The following LMO7 variants were observed in gnomAD, a reference collection of about 807,000 sequenced individuals.
LMO7 encodes LIM domain only protein 7.
Under a neutral mutation model 206.5 loss-of-function variants are expected in LMO7, and 120 were observed. That is an observed-to-expected ratio of 0.58 (90% CI 0.50 to 0.68). The LOEUF (loss-of-function observed/expected upper bound fraction) is 0.68, where lower values mean the gene tolerates loss of function less well. Among genes scored for constraint, LMO7 ranks in the 30% least tolerant of loss-of-function variants. LMO7 has a pLI of 0.00. For synonymous variants in LMO7, 706 were observed against 681.5 expected (o/e 1.04, Z -0.56); for missense variants, 1,959 against 1,957.9 (o/e 1.00, Z -0.01).
intron 3 of LMO7, among the ~76,000 whole-genome samples, chr13:75,733,181 G>GC (rs1043390999): frequency 3.3e-5 from 5 of 152,382 alleles, no homozygotes; most frequent in Non-Finnish European, 7.3e-5. Flanking sequence ...ATTTAAGTTT[G>GC]CAGAGGTTAC....
chr13:75,659,165 A>G lies in LMO7; in HGVS notation c.69+22439A>G, dbSNP rs369619535. 1.2e-4 allele frequency among the ~76,000 whole-genome samples: 18 copies of G among 152,276 alleles called. No homozygotes were observed. The East Asian group carries it at 2.5e-3, about 21-fold the overall frequency. On this transcript the variant is annotated intron_variant, in intron 1 of 30. Coordinates refer to ENST00000377534, the MANE Select transcript of LMO7 (RefSeq NM_001306080.2). ...TTTCTCTTTTCTACTTTTCTACTCTATGCTATAACTTTGATATATGTCTTT... is the reference window on the plus strand; with the variant it reads ...TTTCTCTTTTCTACTTTTCTACTCTGTGCTATAACTTTGATATATGTCTTT...
chr13:75,782,210 G>T (rs1460675513), intron 4 of LMO7, among the ~76,000 whole-genome samples: 8 of 152,178 alleles, frequency 5.3e-5, no homozygotes, highest in African/African-American at 1.9e-4. Context: ...ACAAAATTCA[G>T]CTGTGAACTA....
chr13:75,734,825 T>C (rs1321195281), intron 3 of LMO7, among the ~76,000 whole-genome samples: 4 of 152,020 alleles, frequency 2.6e-5, no homozygotes, highest in Admixed American at 6.6e-5. Context: ...ATAGGCCGGG[T>C]GTGGTGGCTC....
intron 3 of LMO7, among the ~76,000 whole-genome samples, chr13:75,737,773 A>AAAAGG: frequency 2.7e-5 from 1 of 36,500 alleles, no homozygotes; most frequent in Non-Finnish European, 4.7e-5. Context: ...AAAATAAAAT[A>AAAAGG]AAATAAAATA....
chr13:75,834,172 A>T, intron 16 of LMO7, 54 bp from the exon 17 acceptor site: 1 of 1,376,060 alleles, frequency 7.3e-7, no homozygotes, highest in Admixed American at 2.1e-5. Flanking sequence ...GCAGCAACTA[A>T]TAGAACATGT....
chr13:75,788,038 A>G (rs1405215224), intron 4 of LMO7, among the ~76,000 whole-genome samples: 1 of 152,212 alleles, frequency 6.6e-6, no homozygotes, highest in Non-Finnish European at 1.5e-5. Context: ...GTGGAACAAG[A>G]AGCCAGTACC....
intron 2 of LMO7, among the ~76,000 whole-genome samples, chr13:75,723,858 T>C (rs558237362): frequency 2.6e-5 from 4 of 152,258 alleles, no homozygotes; most frequent in Non-Finnish European, 5.9e-5. Context: ...TTATAAACAA[T>C]AGAAATTGAT....
intron 1 of LMO7, among the ~76,000 whole-genome samples, chr13:75,701,626 A>G (rs560013444): frequency 6.6e-6 from 1 of 152,304 alleles, no homozygotes; most frequent in South Asian, 2.1e-4. Context: ...CTTGTGTGGT[A>G]GTTATTTAAA....
At chr13:75,642,012 A>T (rs940746643) in intron 1 of LMO7, among the ~76,000 whole-genome samples, 20 of 152,080 alleles carry the variant, frequency 1.3e-4, no homozygotes, top group African/African-American at 3.9e-4. Flanking sequence ...CAGCATCTTT[A>T]TATGGGAAAT....
At chr13:75,685,855 C>G (rs542792466) in intron 1 of LMO7, among the ~76,000 whole-genome samples, 28 of 149,858 alleles carry the variant, frequency 1.9e-4, no homozygotes, top group South Asian at 1.3e-3. Context: ...GAAGACCAAT[C>G]AAACCAAGGG....
intron 4 of LMO7, among the ~76,000 whole-genome samples, chr13:75,787,624 A>C (rs1213007676): frequency 6.6e-6 from 1 of 152,206 alleles, no homozygotes; most frequent in Non-Finnish European, 1.5e-5. Flanking sequence ...AGGTTCATAT[A>C]TTTGGGTTCA....
intron 22 of LMO7, 33 bp downstream of exon 22, chr13:75,840,528 A>G (rs1483261717): frequency 3.7e-6 from 6 of 1,606,546 alleles, no homozygotes; most frequent in Non-Finnish European, 5.1e-6. Flanking sequence ...GGTAGAAACT[A>G]GGTTGGATTT....
intron 1 of LMO7, among the ~76,000 whole-genome samples, chr13:75,677,633 G>T (rs1434977578): frequency 3.9e-5 from 5 of 127,858 alleles, no homozygotes; most frequent in African/African-American, 1.5e-4. Context: ...CTTTGTATTT[G>T]TCCTGTAGCT....
intron 18 of LMO7, among the ~76,000 whole-genome samples, chr13:75,836,049 G>A (rs2059090631): frequency 6.6e-6 from 1 of 152,006 alleles, no homozygotes; most frequent in African/African-American, 2.4e-5. Flanking sequence ...TTACTATATT[G>A]TATAAGAAAT....
intron 1 of LMO7, among the ~76,000 whole-genome samples, chr13:75,667,271 T>C (rs548650177): frequency 5.6e-4 from 85 of 152,288 alleles, no homozygotes; most frequent in Middle Eastern, 3.4e-3. Context: ...TTCTGCTTGG[T>C]ATTTGCTGGT....
At chr13:75,800,581 TA>T in intron 6 of LMO7, 102 bp from the exon 7 acceptor site, 1 of 1,061,626 alleles carries the variant, frequency 9.4e-7, no homozygotes, top group Non-Finnish European at 1.4e-6. Context: ...ACATGTCAAA[TA>T]AAACCCAACT....
At chr13:75,726,856 CTCT>C (rs746364823) in intron 2 of LMO7, among the ~76,000 whole-genome samples, 170 bp from the exon 3 acceptor site, 6 of 152,188 alleles carry the variant, frequency 3.9e-5, no homozygotes, top group Middle Eastern at 3.4e-3. Flanking sequence ...GTGTGTGGTG[CTCT>C]TCTTTGTCTC....
intron 1 of LMO7, among the ~76,000 whole-genome samples, chr13:75,639,783 G>A (rs2036339180): frequency 6.6e-6 from 1 of 152,204 alleles, no homozygotes; most frequent in Admixed American, 6.5e-5. Context: ...TCTAGATTGA[G>A]GTTCAAATAC....
Position 75,650,103 on chromosome 13 carries a change from A to C in LMO7, c.69+13377A>C, listed in dbSNP as rs534575831. ...CTCCCAAAGTGCTGGGGTTACAGGC[A>C]TGAACTACTGTGCCTGGCCACATTT... On this transcript the variant is annotated intron_variant, in intron 1 of 30. Transcript: ENST00000377534. Among the ~76,000 whole-genome samples, 5 of 150,570 alleles carry C rather than the reference A, an allele frequency of 3.3e-5. No individual in the cohort carries two copies. In the East Asian group the frequency reaches 9.9e-4, roughly 30 times the overall value.
Sources: allele counts gnomAD v4.1 joint callset (sites outside exome capture counted in the v4.1 genomes callset), GRCh38; gene constraint gnomAD v4.1.1; transcripts MANE v1.5; gene names NCBI Gene and HGNC (gene_info 2026-07-23, HGNC 2026-07-21).